SMOC1: variants seen among roughly 807,000 people sequenced by gnomAD.
SMOC1 encodes the protein SPARC-related modular calcium-binding protein 1.
In SMOC1, 22 loss-of-function variants were observed where a neutral mutation model predicts 56.3. The ratio of observed to expected loss-of-function variants is 0.39; its 90% confidence interval spans 0.28 to 0.56. SMOC1 has a LOEUF of 0.56. SMOC1 is among the 20% of genes least tolerant of loss of function. The probability of loss-of-function intolerance (pLI) is 0.61; values close to 1 mark genes in which losing one functional copy is unlikely to be tolerated. For missense variants in SMOC1, 509 were observed against 565.4 expected (o/e 0.90, Z 1.01); for synonymous variants, 193 against 215.0 (o/e 0.90, Z 0.89).
At chr14:69,901,770 C>T (rs926086991) in intron 1 of SMOC1, among the ~76,000 whole-genome samples, 22 of 152,308 alleles carry the variant, frequency 1.4e-4, no homozygotes, top group Middle Eastern at 3.4e-3. Flanking sequence ...CACACCACCC[C>T]GCTGGGAAAC....
chr14:69,888,741 T>C (rs1045963078), intron 1 of SMOC1, among the ~76,000 whole-genome samples: 1 of 152,228 alleles, frequency 6.6e-6, no homozygotes, highest in African/African-American at 2.4e-5. Flanking sequence ...GGTTTATTTT[T>C]AGAACTAGAT....
chr14:69,905,630 G>T (rs1316742578), intron 1 of SMOC1, among the ~76,000 whole-genome samples: 19 of 152,172 alleles, frequency 1.2e-4, no homozygotes, highest in Admixed American at 1.2e-3. Context: ...GAGACCATGC[G>T]CATCTGAGTT....
chr14:69,923,426 G>C (rs1033749478), intron 1 of SMOC1, among the ~76,000 whole-genome samples: 3 of 152,186 alleles, frequency 2.0e-5, no homozygotes, highest in Non-Finnish European at 4.4e-5. Flanking sequence ...TGGGAGCACA[G>C]GGGGTAATAG....
At chr14:69,938,372 AG>A (rs1388003118) in intron 1 of SMOC1, among the ~76,000 whole-genome samples, 1 of 152,110 alleles carries the variant, frequency 6.6e-6, no homozygotes, top group Non-Finnish European at 1.5e-5. Flanking sequence ...CGGTGGTAAA[AG>A]CACAATATGC....
At chr14:70,009,498 G>T (rs557233348) in intron 7 of SMOC1, among the ~76,000 whole-genome samples, 1 of 152,272 alleles carries the variant, frequency 6.6e-6, no homozygotes, top group African/African-American at 2.4e-5. Context: ...GCACAACATG[G>T]TTCTCCAGGT....
intron 3 of SMOC1, among the ~76,000 whole-genome samples, chr14:69,975,423 G>T (rs1248089684): frequency 3.9e-5 from 6 of 152,190 alleles, no homozygotes; most frequent in South Asian, 2.1e-4. Flanking sequence ...ACAGGTATTG[G>T]TGAGAACCAT....
At chr14:69,961,845 TAGCTGAAC>T (rs1405808041) in intron 3 of SMOC1, among the ~76,000 whole-genome samples, 1 of 152,214 alleles carries the variant, frequency 6.6e-6, no homozygotes, top group Non-Finnish European at 1.5e-5. Context: ...TTTTCCAAGG[TAGCTGAAC>T]CATTTTACAT....
At chr14:69,982,002 A>G (rs539742456) in intron 5 of SMOC1, among the ~76,000 whole-genome samples, 34 of 152,234 alleles carry the variant, frequency 2.2e-4, no homozygotes, top group African/African-American at 7.9e-4. Context: ...ATGAAAGGAT[A>G]TGGAAAAGCA....
intron 3 of SMOC1, among the ~76,000 whole-genome samples, chr14:69,964,023 C>T (rs1042207845): frequency 6.6e-6 from 1 of 152,210 alleles, no homozygotes; most frequent in African/African-American, 2.4e-5. Context: ...GGGGACTCGC[C>T]TATCCCACTC....
At chr14:69,945,911 A>G (rs1183571497) in intron 1 of SMOC1, among the ~76,000 whole-genome samples, 1 of 152,208 alleles carries the variant, frequency 6.6e-6, no homozygotes, top group African/African-American at 2.4e-5. Flanking sequence ...ATATACGAGT[A>G]TGCATATTAC....
intron 1 of SMOC1, among the ~76,000 whole-genome samples, chr14:69,949,553 T>C (rs191569602): frequency 2.1e-4 from 32 of 152,064 alleles, no homozygotes; most frequent in Admixed American, 6.5e-4. Context: ...AAATGAAGTG[T>C]GAGAGAGTAT....
At chr14:69,998,882 T>G (rs570681396) in intron 7 of SMOC1, among the ~76,000 whole-genome samples, 7 of 152,258 alleles carry the variant, frequency 4.6e-5, no homozygotes, top group African/African-American at 1.7e-4. Context: ...TCTTCCATGA[T>G]CTGATCAAGG....
chr14:69,930,759 C>T (rs777041242), intron 1 of SMOC1, among the ~76,000 whole-genome samples: 1 of 152,196 alleles, frequency 6.6e-6, no homozygotes, highest in Non-Finnish European at 1.5e-5. Context: ...CAAGGACACT[C>T]GCACCCCAGT....
chr14:69,973,797 T>C (rs1451520257), intron 3 of SMOC1, among the ~76,000 whole-genome samples: 1 of 152,232 alleles, frequency 6.6e-6, no homozygotes, highest in Non-Finnish European at 1.5e-5. Flanking sequence ...CTACAGCTTT[T>C]CTGCCTTTGT....
At chr14:69,926,666 A>G (rs1256574086) in intron 1 of SMOC1, among the ~76,000 whole-genome samples, 1 of 152,154 alleles carries the variant, frequency 6.6e-6, no homozygotes, top group East Asian at 1.9e-4. Flanking sequence ...CTGCGAAACC[A>G]CGTTCCTTCC....
intron 1 of SMOC1, among the ~76,000 whole-genome samples, chr14:69,912,633 T>C (rs1884583497): frequency 6.6e-6 from 1 of 152,188 alleles, no homozygotes; most frequent in African/African-American, 2.4e-5. Context: ...GGGACCCAGG[T>C]TCCCACTTTC....
intron 7 of SMOC1, among the ~76,000 whole-genome samples, chr14:70,000,946 G>A (rs1390485573): frequency 6.6e-6 from 1 of 152,184 alleles, no homozygotes; most frequent in Non-Finnish European, 1.5e-5. Context: ...TGTTACTTTT[G>A]TGCTGAAGAT....
chr14:70,027,234 ACC>A (rs1272807593), intron 11 of SMOC1, among the ~76,000 whole-genome samples: 2 of 152,312 alleles, frequency 1.3e-5, no homozygotes, highest in East Asian at 3.9e-4. Context: ...CATGTGAGGT[ACC>A]ACCACTGCTG....
chr14:70,020,513 C>T (rs928430957), intron 10 of SMOC1, among the ~76,000 whole-genome samples: 1 of 152,086 alleles, frequency 6.6e-6, no homozygotes, highest in Non-Finnish European at 1.5e-5. Context: ...GCAACAGGAC[C>T]CTCGGGCCTC....
Sources: gnomAD v4.1 joint callset for allele counts (sites outside exome capture counted in the v4.1 genomes callset) on GRCh38, gnomAD v4.1.1 for gene constraint, MANE v1.5 for transcripts, NCBI Gene and HGNC (gene_info 2026-07-23, HGNC 2026-07-21) for gene names.